The following BACE2 variants were observed in gnomAD, a reference collection of about 807,000 sequenced individuals.
The protein encoded by BACE2 is 56 kDa aspartic-like protease.
BACE2 carries 17 observed loss-of-function variants against 46.2 expected under a neutral mutation model. That is an observed-to-expected ratio of 0.37 (90% CI 0.25 to 0.55). The LOEUF (loss-of-function observed/expected upper bound fraction) is 0.55, where lower values mean the gene tolerates loss of function less well. Among genes scored for constraint, BACE2 ranks in the 20% least tolerant of loss-of-function variants. The pLI is 0.82. For missense variants in BACE2, 595 were observed against 698.1 expected, an observed-to-expected ratio of 0.85 and a Z score of 1.66; for synonymous variants, 277 against 295.9, an observed-to-expected ratio of 0.94 and a Z score of 0.66.
intron 1 of BACE2, among the ~76,000 whole-genome samples, chr21:41,170,288 G>C (rs1157129947): frequency 6.6e-6 from 1 of 151,946 alleles, no homozygotes; most frequent in Non-Finnish European, 1.5e-5. Flanking sequence ...AAAATGATGA[G>C]GTTTAATTAA....
At chr21:41,230,366 A>C (rs530492111) in intron 2 of BACE2, 1 of 152,348 alleles carries the variant, frequency 6.6e-6, no homozygotes, top group African/African-American at 2.4e-5. Flanking sequence ...GAAAGATATG[A>C]ATATTTTCTT....
intron 1 of BACE2, chr21:41,182,274 C>T (rs1985159710): frequency 6.0e-6 from 1 of 167,100 alleles, no homozygotes; most frequent in Non-Finnish European, 1.5e-5. Context: ...AGGTTTAGTC[C>T]TGGATCTGTG....
Position 41,277,647 on chromosome 21 carries a change from A to T in BACE2, c.*2023A>T, listed in dbSNP as rs999712033. ...AGGAGGGAATCGCAGACATGCCCTG[A>T]TTAGTTTTCCTGCTTATTTCTTCAT... On this transcript the variant is annotated 3_prime_UTR_variant, in exon 9 of 9. Coordinates refer to ENST00000330333, the MANE Select transcript of BACE2 (RefSeq NM_012105.5). 2.6e-5 allele frequency: 4 copies of T among 152,242 alleles called. No individual in the cohort carries two copies. Among genetic ancestry groups the T allele is most frequent in the Non-Finnish European group, 2.9e-5 (2 of 68,070 alleles). 9.4% of individuals were successfully genotyped at this position (152,242 alleles called of 1,614,324 possible).
At chr21:41,243,336 G>A in intron 4 of BACE2, 40 bp from the exon 5 acceptor site, 4 of 1,520,678 alleles carry the variant, frequency 2.6e-6, no homozygotes, top group Non-Finnish European at 3.5e-6. Flanking sequence ...ATATGTCTGT[G>A]TATTTTTTCT....
rs1568853912 is a variant in BACE2 at position 41,174,138 on chromosome 21, C to CTTTTTTTTTTTTTTTTTT, written c.312+5563_312+5564insTTTTTTTTTTTTTTTTTT. Among the ~76,000 whole-genome samples the CTTTTTTTTTTTTTTTTTT allele has an allele frequency of 1.3e-3, 95 of 70,628 alleles. 18 individuals are homozygous for CTTTTTTTTTTTTTTTTTT. Among genetic ancestry groups the CTTTTTTTTTTTTTTTTTT allele is most frequent in the African/African-American group, 5.6e-3 (59 of 10,556 alleles). The allele number at this position is 70,628 out of a possible 152,430, so 46.3% of individuals were successfully genotyped here. A position where few individuals can be genotyped will look rare whatever the true frequency, so the allele number is the denominator to read the frequency against. On this transcript the variant is annotated intron_variant, in intron 1 of 8. Transcript: ENST00000330333. ...TAAGGATAGCTGTTGTGATCAGTGG[C>CTTTTTTTTTTTTTTTTTT]CTTTTTTTTTTTTTTTTTTTTTTTT...
chr21:41,169,004 C>T (rs865955959), intron 1 of BACE2, among the ~76,000 whole-genome samples: 1 of 141,496 alleles, frequency 7.1e-6, no homozygotes, highest in Admixed American at 6.9e-5. Flanking sequence ...GCCCCCCCCC[C>T]ACCCCACCAC....
At chr21:41,256,186 G>A (rs572338752) in intron 7 of BACE2, among the ~76,000 whole-genome samples, 62 of 151,906 alleles carry the variant, frequency 4.1e-4, no homozygotes, top group Non-Finnish European at 5.4e-4. Flanking sequence ...GATTTGTTGC[G>A]CCCATCAACC....
chr21:41,209,060 C>T (rs918766565), intron 1 of BACE2, among the ~76,000 whole-genome samples: 37 of 152,190 alleles, frequency 2.4e-4, no homozygotes, highest in South Asian at 2.3e-3. Context: ...TTCTGTCGTG[C>T]GGTTATGTCC....
chr21:41,197,274 TG>T (rs1300683614), intron 1 of BACE2, among the ~76,000 whole-genome samples: 6 of 148,856 alleles, frequency 4.0e-5, no homozygotes, highest in East Asian at 3.9e-4. Flanking sequence ...AGGTTTTTTT[TG>T]TTTTTTTTTT....
intron 1 of BACE2, among the ~76,000 whole-genome samples, chr21:41,168,917 G>A (rs1984484808): frequency 1.3e-5 from 2 of 152,056 alleles, no homozygotes; most frequent in African/African-American, 4.8e-5. Flanking sequence ...ACTTCCAGCG[G>A]GAGACGGAGC....
intron 8 of BACE2, among the ~76,000 whole-genome samples, chr21:41,266,326 G>T: frequency 6.6e-6 from 1 of 152,180 alleles, no homozygotes; most frequent in African/African-American, 2.4e-5. Flanking sequence ...TTTTGTGTCT[G>T]CTGGCTGCTC....
At chr21:41,182,712 A>G (rs1985183284) in intron 1 of BACE2, 1 of 167,104 alleles carries the variant, frequency 6.0e-6, no homozygotes, top group Non-Finnish European at 1.5e-5. Flanking sequence ...TGCACTGTGC[A>G]GATGACTTAC....
chr21:41,273,736 C>T (rs1277090469), intron 8 of BACE2, among the ~76,000 whole-genome samples: 1 of 152,106 alleles, frequency 6.6e-6, no homozygotes, highest in Non-Finnish European at 1.5e-5. Context: ...GTAAAGACAG[C>T]ATAGGAAATC....
intron 8 of BACE2, among the ~76,000 whole-genome samples, chr21:41,262,365 G>A (rs1987961468): frequency 6.6e-6 from 1 of 152,096 alleles, no homozygotes; most frequent in Non-Finnish European, 1.5e-5. Context: ...TTATGCCTGA[G>A]CCTACTTCTG....
intron 5 of BACE2, among the ~76,000 whole-genome samples, chr21:41,244,417 G>A (rs1358176991): frequency 1.3e-5 from 2 of 152,150 alleles, no homozygotes; most frequent in Admixed American, 6.5e-5. Flanking sequence ...GGTAGGTAGT[G>A]GAAAATTACA....
chr21:41,267,903 C>A (rs73222297), intron 8 of BACE2, among the ~76,000 whole-genome samples: 1 of 152,086 alleles, frequency 6.6e-6, no homozygotes, highest in Non-Finnish European at 1.5e-5. Flanking sequence ...ATCAGTGTGG[C>A]GGGACAGTTC....
At chr21:41,200,797 T>C (rs780930390) in intron 1 of BACE2, among the ~76,000 whole-genome samples, 17 of 152,126 alleles carry the variant, frequency 1.1e-4, no homozygotes, top group Non-Finnish European at 2.2e-4. Context: ...AGGACGGCCA[T>C]CTGCAAGCCA....
chr21:41,244,863 C>CTGTGTGTG lies in BACE2; in HGVS notation c.883-1088_883-1081dup, dbSNP rs58015507. On this transcript the variant is annotated intron_variant, in intron 5 of 8. Coordinates refer to ENST00000330333, the MANE Select transcript of BACE2 (RefSeq NM_012105.5). ...GAATGTAAAACAAAATACAAAACCT[C>CTGTGTGTG]TGTGTGTGTGTGTGTGTGAGTGTGT... is the stretch of plus-strand genomic sequence containing the variant. Among the ~76,000 whole-genome samples the CTGTGTGTG allele has an allele frequency of 6.5e-3, 980 of 150,614 alleles. 6 individuals are homozygous for CTGTGTGTG. Among genetic ancestry groups the CTGTGTGTG allele is most frequent in the African/African-American group, 0.021 (860 of 41,160 alleles).
chr21:41,224,963 G>T (rs535601670), intron 1 of BACE2, among the ~76,000 whole-genome samples: 1 of 152,268 alleles, frequency 6.6e-6, no homozygotes, highest in Admixed American at 6.5e-5. Flanking sequence ...GGCTGGGTGC[G>T]GTGGCTCACG....
Sources: gnomAD v4.1 joint callset for allele counts (sites outside exome capture counted in the v4.1 genomes callset) on GRCh38, gnomAD v4.1.1 for gene constraint, MANE v1.5 for transcripts, NCBI Gene and HGNC (gene_info 2026-07-23, HGNC 2026-07-21) for gene names.